Variants in SLC7A11 observed in about 807,000 individuals in gnomAD.
The protein encoded by SLC7A11 is cystine/glutamate transporter.
Under a neutral mutation model 54.5 loss-of-function variants are expected in SLC7A11, and 35 were observed. The ratio of observed to expected loss-of-function variants is 0.64; its 90% CI spans 0.49 to 0.85. The LOEUF (loss-of-function observed/expected upper bound fraction) is 0.85. Among genes scored for constraint, SLC7A11 ranks in the 40% least tolerant of loss-of-function variants. The pLI is 0.00. For missense variants in SLC7A11, 583 were observed against 618.1 expected (o/e 0.94, Z 0.60); for synonymous variants, 230 against 225.2 (o/e 1.02, Z -0.19).
At chr4:138,174,217 C>G (rs1736508840) in intron 11 of SLC7A11, among the ~76,000 whole-genome samples, 1 of 152,202 alleles carries the variant, frequency 6.6e-6, no homozygotes, top group African/African-American at 2.4e-5. Flanking sequence ...TCTTAGACAT[C>G]TTGCTTCCGC....
chr4:138,189,294 G>A lies in SLC7A11; in HGVS notation c.792-4050C>T, dbSNP rs181893630. Among the ~76,000 whole-genome samples the A allele has an allele frequency of 1.1e-3, 162 of 152,048 alleles. 1 individual carries two copies. The Middle Eastern group carries it at 0.02, about 19-fold the overall frequency. On this transcript the variant is annotated intron_variant, in intron 6 of 11. Coordinates refer to ENST00000280612, the MANE Select transcript of SLC7A11 (RefSeq NM_014331.4). ...AAATATATGCATGTCATTTTAAATC[G>A]TTTGTGGAATGAGAAGGAGCATGGG...
In SLC7A11 at chr4:138,171,808, C is replaced by T. The variant is rs147779557; in HGVS notation, c.*148G>A. On this transcript the variant is annotated 3_prime_UTR_variant, in exon 12 of 12. Coordinates refer to ENST00000280612, the MANE Select transcript of SLC7A11 (RefSeq NM_014331.4). The stretch of plus-strand genomic sequence containing the variant: ...TAACTAAATTTCTTAGAAATTAGTT[C>T]GAATATGCTAAAATATATGAATAAA... The T allele has an allele frequency of 0.014, 13,915 of 997,376 alleles. 214 individuals are homozygous for T. Among genetic ancestry groups the T allele is most frequent in the East Asian group, 0.063 (2,070 of 32,620 alleles). The allele number at this position is 997,376 out of a possible 1,614,324, so 61.8% of individuals were successfully genotyped here.
intron 6 of SLC7A11, among the ~76,000 whole-genome samples, chr4:138,213,944 A>G (rs1482027829): frequency 6.6e-6 from 1 of 152,126 alleles, no homozygotes; most frequent in African/African-American, 2.4e-5. Context: ...TTTTTCCTGT[A>G]GCAAATCCAA....
At chr4:138,223,439 A>G in intron 3 of SLC7A11, 115 bp from the exon 4 acceptor site, 4 of 1,101,844 alleles carry the variant, frequency 3.6e-6, no homozygotes, top group Non-Finnish European at 5.2e-6. Context: ...ATTACTTAGA[A>G]GTGTTTTAGA....
At chr4:138,186,578 T>C (rs914013145) in intron 6 of SLC7A11, among the ~76,000 whole-genome samples, 5 of 152,066 alleles carry the variant, frequency 3.3e-5, no homozygotes. Context: ...CATCCTAATA[T>C]GAAAGTAGCA....
intron 6 of SLC7A11, among the ~76,000 whole-genome samples, chr4:138,191,673 T>C (rs763201700): frequency 1.3e-5 from 2 of 152,180 alleles, no homozygotes; most frequent in Non-Finnish European, 2.9e-5. Context: ...TCATTATTTT[T>C]ATTCTACTAT....
intron 8 of SLC7A11, 55 bp from the exon 9 acceptor site, chr4:138,182,448 G>GA (rs34078647): frequency 2.3e-5 from 26 of 1,121,666 alleles, no homozygotes; most frequent in African/African-American, 7.7e-5. Flanking sequence ...ATTTCAAAGG[G>GA]AAAATCCAAA....
At chr4:138,199,066 C>A (rs1737208398) in intron 6 of SLC7A11, among the ~76,000 whole-genome samples, 3 of 151,978 alleles carry the variant, frequency 2.0e-5, no homozygotes, top group Admixed American at 2.0e-4. Flanking sequence ...CAGACAAAGC[C>A]CTGGCCTTGG....
intron 11 of SLC7A11, among the ~76,000 whole-genome samples, chr4:138,178,504 G>C (rs946846170): frequency 1.7e-4 from 26 of 152,154 alleles, no homozygotes; most frequent in African/African-American, 6.0e-4. Flanking sequence ...ACCCAGTAAT[G>C]GGATTACTGG....
rs1738159149 is a variant in SLC7A11 at position 138,234,562 on chromosome 4, A to AT, written c.404+1762_404+1763insA. On this transcript the variant is annotated intron_variant, in intron 2 of 11. Transcript: ENST00000280612. ...CAGACACACACACACAGAGAAAAGT[A>AT]GTTTTTTTTTTTAAATTAAAGTAAC... Among the ~76,000 whole-genome samples, 11 of 146,198 alleles carry AT rather than the reference A, an allele frequency of 7.5e-5. No individual in the cohort carries two copies. In the South Asian group the frequency reaches 2.4e-3, roughly 32 times the overall value.
chr4:138,232,521 T>G, intron 2 of SLC7A11, 139 bp from the exon 3 acceptor site: 2 of 621,962 alleles, frequency 3.2e-6, no homozygotes, highest in Non-Finnish European at 5.7e-6. Context: ...CCGTACTTGA[T>G]TAGGTTGCCA....
chr4:138,172,299 A>G (rs1736446077), intron 11 of SLC7A11, among the ~76,000 whole-genome samples: 1 of 152,230 alleles, frequency 6.6e-6, no homozygotes, highest in Admixed American at 6.5e-5. Context: ...ATATTTTGAA[A>G]CAGTAGGACC....
At chr4:138,219,706 T>C (rs112679237) in intron 4 of SLC7A11, among the ~76,000 whole-genome samples, 2,406 of 152,292 alleles carry the variant, frequency 0.016, 23 homozygotes, top group Non-Finnish European at 0.023. Context: ...ATGATAGAAT[T>C]CTTAAAAGAT....
At chr4:138,238,007 C>T (rs1738281696) in intron 1 of SLC7A11, among the ~76,000 whole-genome samples, 1 of 151,508 alleles carries the variant, frequency 6.6e-6, no homozygotes, top group Non-Finnish European at 1.5e-5. Flanking sequence ...CTTGCCTTGG[C>T]CTCCCAAAGT....
rs375849075 is a variant in SLC7A11, at chr4:138,223,375, G to A, written c.521-51C>T. 18 of 1,597,778 alleles carry A rather than the reference G, an allele frequency of 1.1e-5. No homozygotes were observed. The African/African-American group carries it at 2.1e-4, about 19-fold the overall frequency. On this transcript the variant is annotated intron_variant, in intron 3 of 11. Coordinates refer to ENST00000280612, the MANE Select transcript of SLC7A11 (RefSeq NM_014331.4). ...AAAGGTGAATTCTCACTGGCACAAA[G>A]ACATTTTAGGTCCTTGTTACTCAAA...
chr4:138,193,347 C>A (rs897691914), intron 6 of SLC7A11, among the ~76,000 whole-genome samples: 3 of 152,116 alleles, frequency 2.0e-5, no homozygotes, highest in East Asian at 3.9e-4. Context: ...CTCATTTCAA[C>A]CAGATGAGTC....
intron 4 of SLC7A11, among the ~76,000 whole-genome samples, chr4:138,222,891 T>C (rs1165575081): frequency 7.3e-6 from 1 of 136,184 alleles, no homozygotes; most frequent in Non-Finnish European, 1.6e-5. Context: ...TTATCTTTAA[T>C]TAAAACTAAG....
intron 6 of SLC7A11, among the ~76,000 whole-genome samples, chr4:138,207,280 TAA>T (rs1403422410): frequency 2.0e-5 from 3 of 152,086 alleles, no homozygotes; most frequent in Admixed American, 6.6e-5. Context: ...TGACTTGTAA[TAA>T]AAAGATTACA....
At chr4:138,192,518 G>T (rs1311713655) in intron 6 of SLC7A11, among the ~76,000 whole-genome samples, 1 of 152,022 alleles carries the variant, frequency 6.6e-6, no homozygotes. Context: ...AATTTTGTGG[G>T]TTGTCTGTTG....
Sources: allele counts gnomAD v4.1 joint callset (sites outside exome capture counted in the v4.1 genomes callset), GRCh38; gene constraint gnomAD v4.1.1; transcripts MANE v1.5; gene names NCBI Gene and HGNC (gene_info 2026-07-23, HGNC 2026-07-21).